The following KCNH1 variants were observed in gnomAD, a reference collection of about 807,000 sequenced individuals.
The protein encoded by KCNH1 is voltage-gated delayed rectifier potassium channel KCNH1.
In KCNH1, 27 loss-of-function variants were observed where a neutral mutation model predicts 69.2. The ratio of observed to expected loss-of-function variants is 0.39; its 90% CI spans 0.29 to 0.54. KCNH1 has a LOEUF of 0.54. Among genes scored for constraint, KCNH1 ranks in the 20% least tolerant of loss-of-function variants. The pLI is 0.68. For synonymous variants in KCNH1, 456 were observed against 487.7 expected (o/e 0.93, Z 0.86); for missense variants, 798 against 1,261.6 (o/e 0.63, Z 5.57).
intron 10 of KCNH1, among the ~76,000 whole-genome samples, chr1:210,742,328 A>G (rs1202019044): frequency 1.3e-5 from 2 of 152,328 alleles, no homozygotes; most frequent in East Asian, 3.9e-4. Context: ...GATTCCCTTC[A>G]TTCCTTCATT....
chr1:210,813,229 T>G (rs1017207468), intron 7 of KCNH1, among the ~76,000 whole-genome samples: 2 of 152,218 alleles, frequency 1.3e-5, no homozygotes, highest in African/African-American at 4.8e-5. Flanking sequence ...AAAAGACTGC[T>G]GCCTTTTAAT....
At chr1:210,882,016 T>C (rs1252387719) in intron 7 of KCNH1, among the ~76,000 whole-genome samples, 3 of 152,196 alleles carry the variant, frequency 2.0e-5, no homozygotes, top group Admixed American at 6.6e-5. Flanking sequence ...AACCCTAATG[T>C]AAACTATGGA....
At chr1:211,016,139 C>T (rs1427706082) in intron 6 of KCNH1, among the ~76,000 whole-genome samples, 1 of 152,058 alleles carries the variant, frequency 6.6e-6, no homozygotes, top group Non-Finnish European at 1.5e-5. Context: ...GGAGTTCCAA[C>T]CCGACATATA....
intron 6 of KCNH1, among the ~76,000 whole-genome samples, chr1:210,974,575 T>C (rs1688568547): frequency 6.8e-6 from 1 of 147,000 alleles, no homozygotes; most frequent in Non-Finnish European, 1.5e-5. Context: ...TTTTTTTTTT[T>C]TTTTTTGAGA....
intron 6 of KCNH1, among the ~76,000 whole-genome samples, chr1:210,944,785 C>T (rs1687929554): frequency 6.6e-6 from 1 of 152,118 alleles, no homozygotes; most frequent in South Asian, 2.1e-4. Context: ...ATCATTTCAA[C>T]CCTCGTTAAG....
At chr1:211,057,383 C>T (rs1203353113) in intron 5 of KCNH1, among the ~76,000 whole-genome samples, 1 of 152,134 alleles carries the variant, frequency 6.6e-6, no homozygotes, top group Non-Finnish European at 1.5e-5. Context: ...TGCCTGTGGT[C>T]CTAGTACTTT....
At chr1:210,896,231 C>G (rs980070224) in intron 7 of KCNH1, among the ~76,000 whole-genome samples, 4 of 152,018 alleles carry the variant, frequency 2.6e-5, no homozygotes, top group Non-Finnish European at 5.9e-5. Flanking sequence ...ATTCTAAGAC[C>G]TTGACCTGAA....
chr1:211,026,842 G>A (rs1689693120), intron 5 of KCNH1, among the ~76,000 whole-genome samples: 2 of 152,110 alleles, frequency 1.3e-5, no homozygotes, highest in Admixed American at 6.5e-5. Context: ...GCGAGGAGCT[G>A]GAATTCCTAT....
intron 6 of KCNH1, among the ~76,000 whole-genome samples, chr1:210,948,851 G>GA (rs925571238): frequency 1.3e-5 from 2 of 148,578 alleles, no homozygotes; most frequent in African/African-American, 4.9e-5. Flanking sequence ...AAAAAAAAAA[G>GA]AAAAAAATAT....
At chr1:211,068,515 C>T (rs1690574666) in intron 5 of KCNH1, among the ~76,000 whole-genome samples, 1 of 152,120 alleles carries the variant, frequency 6.6e-6, no homozygotes, top group Non-Finnish European at 1.5e-5. Flanking sequence ...TCTGCCTCAG[C>T]CTGCTGAGCA....
chr1:210,900,183 A>G (rs112554747), intron 7 of KCNH1, among the ~76,000 whole-genome samples: 6,189 of 152,262 alleles, frequency 0.041, 419 homozygotes, highest in African/African-American at 0.14. Context: ...ACACAAATAC[A>G]AAGCAGTTCA....
chr1:210,787,465 G>C (rs1260275719), intron 9 of KCNH1, among the ~76,000 whole-genome samples: 1 of 152,214 alleles, frequency 6.6e-6, no homozygotes, highest in African/African-American at 2.4e-5. Context: ...CTTTATGAGA[G>C]GTGTATCTGT....
chr1:210,929,072 G>A (rs1687632181), intron 6 of KCNH1, among the ~76,000 whole-genome samples: 1 of 152,106 alleles, frequency 6.6e-6, no homozygotes, highest in Non-Finnish European at 1.5e-5. Flanking sequence ...GGGCCAGATG[G>A]ATCCACAGTT....
intron 5 of KCNH1, among the ~76,000 whole-genome samples, chr1:211,079,540 C>A (rs1025600181): frequency 1.3e-5 from 2 of 152,186 alleles, no homozygotes; most frequent in African/African-American, 4.8e-5. Flanking sequence ...ACCAATATCC[C>A]TAATAAACAT....
intron 1 of KCNH1, among the ~76,000 whole-genome samples, chr1:211,118,901 C>T (rs1488885038): frequency 1.3e-5 from 2 of 152,210 alleles, no homozygotes; most frequent in African/African-American, 4.8e-5. Flanking sequence ...TCGCAGTTCA[C>T]ACAAGTGTAC....
In KCNH1 at chr1:211,019,195, G is replaced by C; in HGVS notation, c.620C>G (p.Pro207Arg). The C allele has an allele frequency of 6.2e-7, 1 of 1,613,458 alleles. No homozygotes were observed. ...AACACAATAATGTAAGATGATGTGA[G>C]GGGGAGTCTTTGGTGCCTCTTGCTT... ...QYKQEAPKTP[P>R]HIILHYCVFK... The change falls in exon 6 of 11, where the codon CCT (proline) becomes CGT (arginine). Residue 207 changes from proline to arginine, a missense_variant. Coordinates refer to ENST00000271751, the MANE Select transcript of KCNH1 (RefSeq NM_172362.3).
intron 6 of KCNH1, among the ~76,000 whole-genome samples, chr1:211,018,542 T>C (rs1689534086): frequency 6.6e-6 from 1 of 152,176 alleles, no homozygotes; most frequent in African/African-American, 2.4e-5. Context: ...ACCAGTGGCT[T>C]ACATTCCACG....
rs1254213372 is a variant in KCNH1, at chr1:211,128,143, G to A, written c.79+5724C>T. On this transcript the variant is annotated intron_variant, in intron 1 of 10. Coordinates refer to ENST00000271751, the MANE Select transcript of KCNH1 (RefSeq NM_172362.3). The stretch of plus-strand genomic sequence containing the variant: ...GTATCTACTAAAAATACAAAAATTA[G>A]CCAGGCATGGTGGTGCACACCTGTA... 2.6e-5 allele frequency among the ~76,000 whole-genome samples: 4 copies of A among 152,054 alleles called. No individual in the cohort carries two copies. The East Asian group carries it at 7.7e-4, about 29-fold the overall frequency.
intron 7 of KCNH1, among the ~76,000 whole-genome samples, chr1:210,805,399 T>C (rs1684530056): frequency 1.3e-5 from 2 of 152,300 alleles, no homozygotes; most frequent in South Asian, 4.2e-4. Context: ...ACTATCAAAA[T>C]AGTGAACATA....
Sources: gnomAD v4.1 joint callset for allele counts (sites outside exome capture counted in the v4.1 genomes callset) on GRCh38, gnomAD v4.1.1 for gene constraint, MANE v1.5 for transcripts, NCBI Gene and HGNC (gene_info 2026-07-23, HGNC 2026-07-21) for gene names.